TRAPPC9: variants seen among roughly 807,000 people sequenced by gnomAD.
The protein encoded by TRAPPC9 is trafficking protein particle complex subunit 9.
In TRAPPC9, 83 loss-of-function variants were observed where a neutral mutation model predicts 124.0. The ratio of observed to expected loss-of-function variants is 0.67; its 90% CI spans 0.56 to 0.80. The LOEUF (loss-of-function observed/expected upper bound fraction) is 0.80. TRAPPC9 is among the 30% of genes least tolerant of loss of function. TRAPPC9 has a pLI of 0.00. For missense variants in TRAPPC9, 1,302 were observed against 1,508.3 expected, an observed-to-expected ratio of 0.86 and a Z score of 2.27; for synonymous variants, 638 against 617.5, an observed-to-expected ratio of 1.03 and a Z score of -0.49.
intron 17 of TRAPPC9, among the ~76,000 whole-genome samples, chr8:140,127,760 T>A (rs1242576509): frequency 6.6e-6 from 1 of 152,244 alleles, no homozygotes; most frequent in East Asian, 1.9e-4. Context: ...TCCAAAAGCA[T>A]TGCTCCTATA....
intron 21 of TRAPPC9, among the ~76,000 whole-genome samples, chr8:139,846,679 T>C (rs962578803): frequency 3.9e-5 from 6 of 152,232 alleles, no homozygotes; most frequent in African/African-American, 1.2e-4. Context: ...GGAAGCTGAC[T>C]GATACATTCA....
At chr8:140,211,397 A>G (rs986175084) in intron 17 of TRAPPC9, among the ~76,000 whole-genome samples, 5 of 152,084 alleles carry the variant, frequency 3.3e-5, no homozygotes, top group African/African-American at 1.2e-4. Flanking sequence ...TGTCTCTGCA[A>G]AAAATACAAA....
chr8:139,963,192 G>C (rs1429928494), intron 19 of TRAPPC9, among the ~76,000 whole-genome samples: 1 of 152,136 alleles, frequency 6.6e-6, no homozygotes, highest in Non-Finnish European at 1.5e-5. Context: ...ACAATACATA[G>C]AAATCGGTGA....
chr8:139,910,799 T>C (rs1485393088), intron 19 of TRAPPC9, among the ~76,000 whole-genome samples: 2 of 152,074 alleles, frequency 1.3e-5, no homozygotes, highest in African/African-American at 4.8e-5. Flanking sequence ...CCCTCAGCTC[T>C]CATTTGGAAC....
chr8:140,283,866 T>C, intron 14 of TRAPPC9, 23 bp downstream of exon 14: 1 of 1,613,546 alleles, frequency 6.2e-7, no homozygotes, highest in Non-Finnish European at 8.5e-7. Flanking sequence ...GCCACTCTGC[T>C]CTGTGACCCT....
At position 140,402,695 on chromosome 8, in the gene TRAPPC9, C is replaced by CA. The variant is rs879634035; in HGVS notation, c.1008+2881dup. ...TGGGCAACAGAACAAAACCCTGTCT[C>CA]AAAAAAAAAAAAGAAAGAAAGAAAG... On this transcript the variant is annotated intron_variant, in intron 6 of 22. Transcript: ENST00000438773. Among the ~76,000 whole-genome samples the CA allele has an allele frequency of 5.5e-4, 67 of 122,330 alleles. 1 individual carries two copies. Among genetic ancestry groups the CA allele is most frequent in the Middle Eastern group, 4.5e-3 (1 of 222 alleles). 80.3% of individuals were successfully genotyped at this position (122,330 alleles called of 152,430 possible).
intron 9 of TRAPPC9, among the ~76,000 whole-genome samples, chr8:140,358,214 T>C (rs1414460994): frequency 6.6e-6 from 1 of 152,208 alleles, no homozygotes; most frequent in Non-Finnish European, 1.5e-5. Context: ...GTTTCTTTCT[T>C]TCTTTTTTTG....
chr8:139,816,963 T>C (rs1377171238), intron 21 of TRAPPC9, among the ~76,000 whole-genome samples: 1 of 151,990 alleles, frequency 6.6e-6, no homozygotes, highest in Non-Finnish European at 1.5e-5. Context: ...TGATATGCAT[T>C]TAAGTGTATA....
chr8:139,739,230 A>G (rs1818400885), intron 21 of TRAPPC9, among the ~76,000 whole-genome samples: 1 of 151,328 alleles, frequency 6.6e-6, no homozygotes, highest in Admixed American at 6.6e-5. Flanking sequence ...CTCCTCCCGG[A>G]CACCCAGCCC....
Position 140,033,675 on chromosome 8 carries a change from T to TG in TRAPPC9, c.2557-9597_2557-9596insC, listed in dbSNP as rs1563706847. Among the ~76,000 whole-genome samples, 49 of 104,540 alleles carry TG rather than the reference T, an allele frequency of 4.7e-4. 3 individuals are homozygous for TG. Among genetic ancestry groups the TG allele is most frequent in the East Asian group, 2.5e-3 (9 of 3,578 alleles). The allele number at this position is 104,540 out of a possible 152,430, so 68.6% of individuals were successfully genotyped here. A position where few individuals can be genotyped will look rare whatever the true frequency, so the allele number is the denominator to read the frequency against. ...ATAATGTGGTTTTTTTTTTTTTTTT[T>TG]TTTTTTTTTTTTTTTTTTTTTTTTG... On this transcript the variant is annotated intron_variant, in intron 17 of 22. Transcript: ENST00000438773.
chr8:140,272,356 A>AGTGGTAGTTGTGGT (rs2064960236), intron 15 of TRAPPC9, among the ~76,000 whole-genome samples: 1 of 104,528 alleles, frequency 9.6e-6, no homozygotes, highest in Non-Finnish European at 1.8e-5. Context: ...CAGTGGAGAG[A>AGTGGTAGTTGTGGT]GTGGTGGTAG....
chr8:139,829,220 T>C (rs1825820683), intron 21 of TRAPPC9, among the ~76,000 whole-genome samples: 1 of 152,266 alleles, frequency 6.6e-6, no homozygotes, highest in South Asian at 2.1e-4. Flanking sequence ...ATAAAGTCTT[T>C]GCTCTCTCTT....
intron 9 of TRAPPC9, among the ~76,000 whole-genome samples, chr8:140,344,333 TG>T (rs2067275290): frequency 6.6e-6 from 1 of 152,190 alleles, no homozygotes; most frequent in Non-Finnish European, 1.5e-5. Context: ...CCAGTAAAGA[TG>T]CACCCCAGGA....
chr8:140,417,550 G>C (rs2069981716), intron 5 of TRAPPC9, among the ~76,000 whole-genome samples: 1 of 152,186 alleles, frequency 6.6e-6, no homozygotes, highest in East Asian at 1.9e-4. Flanking sequence ...TCATTAAAAA[G>C]TCAGGAAACA....
At chr8:140,246,407 G>A (rs1421814870) in intron 16 of TRAPPC9, among the ~76,000 whole-genome samples, 1 of 152,148 alleles carries the variant, frequency 6.6e-6, no homozygotes, top group Non-Finnish European at 1.5e-5. Flanking sequence ...TTCTAGACTC[G>A]GACACTGTAC....
At chr8:140,024,563 A>C (rs1033298889) in intron 17 of TRAPPC9, among the ~76,000 whole-genome samples, 1 of 151,864 alleles carries the variant, frequency 6.6e-6, no homozygotes, top group East Asian at 1.9e-4. Flanking sequence ...ACGCCTGGCT[A>C]ATTTCTGTAT....
At chr8:139,976,621 G>C (rs1176190740) in intron 19 of TRAPPC9, among the ~76,000 whole-genome samples, 2 of 152,214 alleles carry the variant, frequency 1.3e-5, no homozygotes, top group African/African-American at 4.8e-5. Context: ...TCACCACAAG[G>C]GATCTGCGCA....
intron 17 of TRAPPC9, among the ~76,000 whole-genome samples, chr8:140,025,403 G>A (rs1407147195): frequency 1.3e-5 from 2 of 152,162 alleles, no homozygotes; most frequent in Admixed American, 1.3e-4. Context: ...AGAAGAATAC[G>A]CAACAGAGAC....
intron 12 of TRAPPC9, among the ~76,000 whole-genome samples, chr8:140,289,578 T>C (rs2065589713): frequency 6.6e-6 from 1 of 152,228 alleles, no homozygotes; most frequent in Non-Finnish European, 1.5e-5. Flanking sequence ...ATTTGTGGGC[T>C]ATCTCCATGT....
Sources: gnomAD v4.1 joint callset for allele counts (sites outside exome capture counted in the v4.1 genomes callset) on GRCh38, gnomAD v4.1.1 for gene constraint, MANE v1.5 for transcripts, NCBI Gene and HGNC (gene_info 2026-07-23, HGNC 2026-07-21) for gene names.